Variants in SCOC observed in about 807,000 individuals in gnomAD.
The protein encoded by SCOC is short coiled-coil protein.
A neutral mutation model predicts 9.9 loss-of-function variants in SCOC; 7 were observed. That is an observed-to-expected ratio of 0.71 (90% CI 0.40 to 1.33). The LOEUF (loss-of-function observed/expected upper bound fraction) is 1.33, where lower values mean the gene tolerates loss of function less well. Ranked by LOEUF, SCOC falls within the 40% of genes most tolerant of loss-of-function variation. The probability of loss-of-function intolerance (pLI) is 0.01; values close to 1 mark genes in which losing one functional copy is unlikely to be tolerated. For synonymous variants in SCOC, 19 were observed against 28.2 expected (o/e 0.67, Z 1.03); for missense variants, 66 against 89.7 (o/e 0.74, Z 1.07).
At chr4:140,285,602 A>C (rs764776911) in intron 1 of SCOC, among the ~76,000 whole-genome samples, 11 of 152,234 alleles carry the variant, frequency 7.2e-5, no homozygotes, top group Non-Finnish European at 1.5e-4. Context: ...AGGAGATGCC[A>C]AGAGAAGTAG....
intron 1 of SCOC, among the ~76,000 whole-genome samples, chr4:140,334,333 G>T (rs1170700055): frequency 2.0e-5 from 3 of 152,168 alleles, no homozygotes; most frequent in Non-Finnish European, 2.9e-5. Flanking sequence ...GTAAAGTCAA[G>T]AATTGTGTTT....
upstream of SCOC, among the ~76,000 whole-genome samples, chr4:140,372,975 G>GTT (rs1728118710): frequency 6.6e-6 from 1 of 152,162 alleles, no homozygotes; most frequent in South Asian, 2.1e-4. Context: ...GCTCCACAGG[G>GTT]GTAAGGTAAG....
intron 1 of SCOC, among the ~76,000 whole-genome samples, chr4:140,294,098 A>G (rs1301583495): frequency 2.0e-5 from 3 of 152,226 alleles, no homozygotes. Context: ...CAACACTGGC[A>G]GGTGTGGTAA....
chr4:140,359,286 T>TCACTCACACA (rs1727362658), intron 2 of SCOC, among the ~76,000 whole-genome samples: 2 of 152,106 alleles, frequency 1.3e-5, no homozygotes, highest in African/African-American at 4.8e-5. Flanking sequence ...CGGTGGAAGC[T>TCACTCACACA]GGCTGCTGGC....
chr4:140,362,289 T>C lies in SCOC; in HGVS notation c.71-16832T>C, dbSNP rs1013058069. ...CAGGTGTGTCCTTACTTCTTCTTCT[T>C]CTTCTTCTTCTTTTTTTTTTTTTTT... On this transcript the variant is annotated intron_variant, in intron 2 of 4. Coordinates refer to the SCOC transcript ENST00000338517. Among the ~76,000 whole-genome samples the C allele has an allele frequency of 7.8e-3, 144 of 18,532 alleles. 10 individuals are homozygous for C. Among genetic ancestry groups the C allele is most frequent in the Admixed American group, 0.011 (21 of 1,942 alleles). 12.2% of individuals were successfully genotyped at this position (18,532 alleles called of 152,430 possible).
intron 1 of SCOC, among the ~76,000 whole-genome samples, chr4:140,297,395 A>C (rs1731677317): frequency 6.6e-6 from 1 of 152,128 alleles, no homozygotes; most frequent in South Asian, 2.1e-4. Flanking sequence ...GTAGTTTTTC[A>C]TAACACAGAG....
intron 1 of SCOC, among the ~76,000 whole-genome samples, chr4:140,281,767 G>T (rs908937410): frequency 2.6e-5 from 4 of 152,186 alleles, no homozygotes. Flanking sequence ...AAAAGCAAGA[G>T]AAATGGGAAA....
chr4:140,376,394 G>A (rs565018203), intron 1 of SCOC: 50 of 152,316 alleles, frequency 3.3e-4, no homozygotes, highest in African/African-American at 1.1e-3. Context: ...AAAGGCAGCA[G>A]GTAATGCTGT....
intron 2 of SCOC, among the ~76,000 whole-genome samples, chr4:140,351,680 G>C (rs1248918868): frequency 6.6e-6 from 1 of 151,746 alleles, no homozygotes; most frequent in Non-Finnish European, 1.5e-5. Context: ...AAAGCAGCCC[G>C]GGTTTGAAAA....
intron 1 of SCOC, among the ~76,000 whole-genome samples, chr4:140,334,876 T>C (rs6849764): frequency 0.028 from 4,240 of 152,196 alleles, 202 homozygotes; most frequent in African/African-American, 0.097. Context: ...CCGAAGTGGC[T>C]GGATTGCTTG....
chr4:140,273,317 T>C (rs1730892882), intron 1 of SCOC, among the ~76,000 whole-genome samples: 1 of 152,240 alleles, frequency 6.6e-6, no homozygotes. Flanking sequence ...TGTTTTACTC[T>C]ATATCTATGA....
chr4:140,349,105 T>A (rs751841135), intron 2 of SCOC, among the ~76,000 whole-genome samples: 15 of 152,220 alleles, frequency 9.9e-5, no homozygotes, highest in Non-Finnish European at 1.8e-4. Context: ...GGGAACAACA[T>A]AGTTTACTTT....
intron 2 of SCOC, among the ~76,000 whole-genome samples, chr4:140,352,253 T>C (rs1727012630): frequency 6.6e-6 from 1 of 152,206 alleles, no homozygotes; most frequent in Non-Finnish European, 1.5e-5. Context: ...GAAATGTTGT[T>C]TTTAGTGAAA....
At chr4:140,343,730 T>C (rs1220763639) in intron 2 of SCOC, 1 of 1,549,020 alleles carries the variant, frequency 6.5e-7, no homozygotes, top group Non-Finnish European at 8.9e-7. Context: ...ATGGATAACT[T>C]CTCAAACATA....
At chr4:140,366,693 C>G in intron 2 of SCOC, 1 of 1,592,640 alleles carries the variant, frequency 6.3e-7, no homozygotes. Flanking sequence ...AATCAGTGAG[C>G]TGCATGCACT....
intron 1 of SCOC, among the ~76,000 whole-genome samples, chr4:140,260,635 G>T (rs1335708071): frequency 6.6e-6 from 1 of 152,156 alleles, no homozygotes; most frequent in African/African-American, 2.4e-5. Context: ...TGAAATTTTA[G>T]TGTACTCAAA....
intron 1 of SCOC, among the ~76,000 whole-genome samples, chr4:140,279,207 A>G (rs920085539): frequency 2.0e-5 from 3 of 152,180 alleles, no homozygotes; most frequent in Admixed American, 6.5e-5. Context: ...TTTAGGGTGC[A>G]GTTCAAGCAC....
At chr4:140,274,133 A>G (rs958252042) in intron 1 of SCOC, among the ~76,000 whole-genome samples, 2 of 152,256 alleles carry the variant, frequency 1.3e-5, no homozygotes, top group Admixed American at 1.3e-4. Flanking sequence ...GCTACTATGT[A>G]TCACCCTGTC....
chr4:140,378,500 A>G (rs1728437939), intron 1 of SCOC, among the ~76,000 whole-genome samples: 1 of 152,138 alleles, frequency 6.6e-6, no homozygotes, highest in African/African-American at 2.4e-5. Flanking sequence ...GAGGCTGAGG[A>G]AAGAGGATTG....
Sources: gnomAD v4.1 joint callset for allele counts (sites outside exome capture counted in the v4.1 genomes callset) on GRCh38, gnomAD v4.1.1 for gene constraint, MANE v1.5 for transcripts, NCBI Gene and HGNC (gene_info 2026-07-23, HGNC 2026-07-21) for gene names.